Variants in STK3 observed in about 807,000 individuals in gnomAD.
STK3 encodes serine/threonine-protein kinase 3.
In STK3, 41 loss-of-function variants were observed where a neutral mutation model predicts 58.0. That is an observed-to-expected ratio of 0.71 (90% CI 0.55 to 0.92). STK3 has a LOEUF of 0.92. Among genes scored for constraint, STK3 ranks in the 40% least tolerant of loss-of-function variants. STK3 has a pLI of 0.00. For missense variants in STK3, 479 were observed against 602.7 expected, an observed-to-expected ratio of 0.79 and a Z score of 2.15; for synonymous variants, 170 against 191.0, an observed-to-expected ratio of 0.89 and a Z score of 0.91.
chr8:98,476,137 A>AAAAGTTT (rs1821293868), intron 10 of STK3, among the ~76,000 whole-genome samples: 1 of 152,206 alleles, frequency 6.6e-6, no homozygotes, highest in African/African-American at 2.4e-5. Context: ...ATTGGGGGAG[A>AAAAGTTT]AAAGTTTAAT....
intron 10 of STK3, among the ~76,000 whole-genome samples, chr8:98,474,917 G>A (rs578193032): frequency 1.3e-5 from 2 of 152,122 alleles, no homozygotes; most frequent in Non-Finnish European, 2.9e-5. Flanking sequence ...AATTTAGCAG[G>A]TGCCTAACAT....
At chr8:98,650,573 T>A (rs1026166458) in intron 6 of STK3, among the ~76,000 whole-genome samples, 2 of 151,950 alleles carry the variant, frequency 1.3e-5, no homozygotes, top group Non-Finnish European at 2.9e-5. Flanking sequence ...GGTCAGGGAG[T>A]CCCTTTCCTA....
intron 3 of STK3, among the ~76,000 whole-genome samples, chr8:98,433,116 G>A (rs1386593952): frequency 6.6e-6 from 1 of 152,136 alleles, no homozygotes; most frequent in Non-Finnish European, 1.5e-5. Flanking sequence ...AGGAGAAGCT[G>A]TTGTTTATTC....
chr8:98,614,792 T>C (rs971287068), intron 6 of STK3, among the ~76,000 whole-genome samples: 1 of 152,084 alleles, frequency 6.6e-6, no homozygotes, highest in Non-Finnish European at 1.5e-5. Context: ...ATCCCACACC[T>C]GGCTTGGAGG....
At chr8:98,367,794 C>T (rs368070252), downstream of STK3, among the ~76,000 whole-genome samples, 16 of 152,284 alleles carry the variant, frequency 1.1e-4, no homozygotes, top group South Asian at 2.5e-3. Context: ...TGAAGGAAGC[C>T]GACTGACTTG....
chr8:98,886,728 C>A (rs949351604), intron 1 of STK3, among the ~76,000 whole-genome samples: 4 of 152,168 alleles, frequency 2.6e-5, no homozygotes, highest in African/African-American at 9.7e-5. Context: ...ACCCTAAAAT[C>A]CACAAATGCT....
intron 1 of STK3, among the ~76,000 whole-genome samples, chr8:98,802,539 C>G (rs562792077): frequency 6.6e-6 from 1 of 152,246 alleles, no homozygotes; most frequent in African/African-American, 2.4e-5. Context: ...TATAGGTTCA[C>G]TTTCTCAACT....
intron 4 of STK3, among the ~76,000 whole-genome samples, chr8:98,715,317 G>T (rs376746445): frequency 6.6e-6 from 1 of 151,666 alleles, no homozygotes; most frequent in African/African-American, 2.4e-5. Context: ...CTGCACAGCA[G>T]AAGAAACTAC....
chr8:98,582,170 CT>C (rs1285632864), intron 7 of STK3, among the ~76,000 whole-genome samples: 1 of 152,066 alleles, frequency 6.6e-6, no homozygotes, highest in Non-Finnish European at 1.5e-5. Context: ...CTTCTCATTA[CT>C]TTAGGTGGTT....
At chr8:98,603,767 G>C (rs1586986603) in intron 6 of STK3, among the ~76,000 whole-genome samples, 1 of 151,810 alleles carries the variant, frequency 6.6e-6, no homozygotes, top group African/African-American at 2.4e-5. Flanking sequence ...AGGAAGGGAA[G>C]AAGGAAAGGA....
downstream of STK3, among the ~76,000 whole-genome samples, chr8:98,452,197 C>T (rs1281806239): frequency 6.6e-6 from 1 of 152,168 alleles, no homozygotes; most frequent in Non-Finnish European, 1.5e-5. Context: ...CAGAACTGCA[C>T]ATCCTTCAGT....
At chr8:98,367,962 T>C (rs1223695104), downstream of STK3, among the ~76,000 whole-genome samples, 1 of 152,226 alleles carries the variant, frequency 6.6e-6, no homozygotes, top group Non-Finnish European at 1.5e-5. Flanking sequence ...AGCAGTGGGC[T>C]GAATGCTTTG....
At chr8:98,365,846 T>C in the STK3 span, among the ~76,000 whole-genome samples, 4 of 152,244 alleles carry the variant, frequency 2.6e-5, no homozygotes, top group African/African-American at 9.6e-5. Context: ...TCTAGCTATA[T>C]TGATATATGT....
chr8:98,493,490 G>C (rs1006316915), intron 10 of STK3, among the ~76,000 whole-genome samples: 4 of 152,002 alleles, frequency 2.6e-5, no homozygotes, highest in African/African-American at 9.7e-5. Context: ...TCCAATCTTC[G>C]GGTTTTAGCT....
intron 1 of STK3, chr8:98,782,097 A>G: frequency 4.3e-6 from 1 of 234,244 alleles, no homozygotes; most frequent in Non-Finnish European, 8.7e-6. Flanking sequence ...CTGTGGCAAA[A>G]AGAAGATCTG....
At chr8:98,706,390 TATTTACTTAC>T in intron 6 of STK3, 67 bp downstream of exon 6, 1 of 1,380,416 alleles carries the variant, frequency 7.2e-7, no homozygotes. Flanking sequence ...ATTTAGTTTA[TATTTACTTAC>T]ATTGACATTA....
intron 6 of STK3, among the ~76,000 whole-genome samples, chr8:98,618,007 C>A (rs1211489911): frequency 6.6e-6 from 1 of 151,898 alleles, no homozygotes. Context: ...AGAGACACAA[C>A]CAAAAAGAAG....
At chr8:98,509,489 T>C (rs1824340829) in intron 10 of STK3, among the ~76,000 whole-genome samples, 1 of 152,028 alleles carries the variant, frequency 6.6e-6, no homozygotes, top group Admixed American at 6.6e-5. Flanking sequence ...GTAAGTTTAA[T>C]GAAAACATCC....
intron 7 of STK3, among the ~76,000 whole-genome samples, chr8:98,593,213 A>G (rs560706207): frequency 9.4e-4 from 143 of 152,296 alleles, no homozygotes; most frequent in African/African-American, 3.2e-3. Context: ...TAAAATTTCA[A>G]TTTAATAATC....
Sources: gnomAD v4.1 joint callset for allele counts (sites outside exome capture counted in the v4.1 genomes callset) on GRCh38, gnomAD v4.1.1 for gene constraint, MANE v1.5 for transcripts, NCBI Gene and HGNC (gene_info 2026-07-23, HGNC 2026-07-21) for gene names.